Variants in STXBP5L observed in about 807,000 individuals in gnomAD.
STXBP5L encodes syntaxin binding protein 5L.
In STXBP5L, 65 loss-of-function variants were observed where a neutral mutation model predicts 144.5. The observed-to-expected ratio is 0.45, with a 90% CI of 0.37 to 0.55. The LOEUF is 0.55. STXBP5L is among the 20% of genes least tolerant of loss of function. The pLI is 0.00. For synonymous variants in STXBP5L, 505 were observed against 469.6 expected, an observed-to-expected ratio of 1.08 and a Z score of -0.97; for missense variants, 1,298 against 1,405.5, an observed-to-expected ratio of 0.92 and a Z score of 1.22.
At chr3:121,105,059 C>A (rs541317468) in intron 5 of STXBP5L, among the ~76,000 whole-genome samples, 1 of 152,110 alleles carries the variant, frequency 6.6e-6, no homozygotes, top group East Asian at 1.9e-4. Flanking sequence ...AACAAATAAT[C>A]CCATCAAAAA....
chr3:120,917,986 GT>G (rs1320315628), intron 2 of STXBP5L, among the ~76,000 whole-genome samples: 1 of 152,170 alleles, frequency 6.6e-6, no homozygotes, highest in Admixed American at 6.5e-5. Context: ...TAAAATTAAT[GT>G]GTTCACAGAA....
At chr3:120,991,039 A>T (rs1269244498) in intron 3 of STXBP5L, among the ~76,000 whole-genome samples, 1 of 152,018 alleles carries the variant, frequency 6.6e-6, no homozygotes, top group African/African-American at 2.4e-5. Context: ...CAGAGTGAAC[A>T]GGCAACCTAC....
At chr3:121,050,611 T>C (rs914794919) in intron 5 of STXBP5L, among the ~76,000 whole-genome samples, 4 of 152,134 alleles carry the variant, frequency 2.6e-5, no homozygotes, top group African/African-American at 9.7e-5. Context: ...GAACAACCGG[T>C]ACCAGCCACT....
At chr3:121,285,227 A>G (rs2051190837) in intron 19 of STXBP5L, among the ~76,000 whole-genome samples, 1 of 152,044 alleles carries the variant, frequency 6.6e-6, no homozygotes, top group Non-Finnish European at 1.5e-5. Flanking sequence ...CCTTTGAGGC[A>G]GATTGATATA....
chr3:120,979,776 A>T (rs577711119), intron 3 of STXBP5L, among the ~76,000 whole-genome samples: 2 of 151,990 alleles, frequency 1.3e-5, no homozygotes, highest in Non-Finnish European at 2.9e-5. Context: ...TTGTTCTGCT[A>T]CCTTTGGCTT....
chr3:121,316,225 G>A (rs1413397223), intron 19 of STXBP5L, among the ~76,000 whole-genome samples: 1 of 152,040 alleles, frequency 6.6e-6, no homozygotes, highest in Non-Finnish European at 1.5e-5. Flanking sequence ...TTGTAAATTG[G>A]CACAAGGAAG....
At chr3:120,929,524 T>A (rs905353888) in intron 2 of STXBP5L, among the ~76,000 whole-genome samples, 2 of 152,196 alleles carry the variant, frequency 1.3e-5, no homozygotes, top group African/African-American at 4.8e-5. Context: ...GTTTAGGGGA[T>A]GTACTTTTAT....
At chr3:121,358,966 ATATGTACCC>A (rs1397188793) in intron 20 of STXBP5L, among the ~76,000 whole-genome samples, 1 of 152,094 alleles carries the variant, frequency 6.6e-6, no homozygotes, top group African/African-American at 2.4e-5. Flanking sequence ...TTTCTTTTGA[ATATGTACCC>A]AATAGTAGGA....
At chr3:121,051,450 C>G (rs1947985737) in intron 5 of STXBP5L, among the ~76,000 whole-genome samples, 1 of 152,168 alleles carries the variant, frequency 6.6e-6, no homozygotes. Flanking sequence ...AACCGCTCAA[C>G]TACATGGAAA....
intron 22 of STXBP5L, among the ~76,000 whole-genome samples, chr3:121,395,986 C>T (rs556284710): frequency 6.6e-6 from 1 of 152,222 alleles, no homozygotes; most frequent in Admixed American, 6.5e-5. Context: ...TGATGGTATC[C>T]AAATTGGCTG....
intron 2 of STXBP5L, 56 bp from the exon 3 acceptor site, chr3:120,954,884 G>A: frequency 6.9e-7 from 1 of 1,448,082 alleles, no homozygotes; most frequent in South Asian, 1.2e-5. Context: ...ATGGTATCTT[G>A]TGATTGTAAT....
At chr3:120,965,578 T>G (rs1939465315) in intron 3 of STXBP5L, among the ~76,000 whole-genome samples, 1 of 152,202 alleles carries the variant, frequency 6.6e-6, no homozygotes, top group African/African-American at 2.4e-5. Flanking sequence ...GAAAATTCTT[T>G]TCTGTAAGAA....
At chr3:121,186,455 T>A (rs555530608) in intron 9 of STXBP5L, among the ~76,000 whole-genome samples, 2 of 152,194 alleles carry the variant, frequency 1.3e-5, no homozygotes, top group Non-Finnish European at 2.9e-5. Context: ...CTGATTATTT[T>A]GAGATACATC....
chr3:121,019,482 C>T (rs79818905), intron 3 of STXBP5L, among the ~76,000 whole-genome samples: 1,701 of 152,276 alleles, frequency 0.011, 32 homozygotes, highest in African/African-American at 0.038. Context: ...AACACACTTA[C>T]CAAAAATACA....
At chr3:121,006,858 A>C (rs892409662) in intron 3 of STXBP5L, among the ~76,000 whole-genome samples, 2 of 152,136 alleles carry the variant, frequency 1.3e-5, no homozygotes, top group African/African-American at 4.8e-5. Context: ...TATTTTCTTT[A>C]AGAATGTTGA....
chr3:121,043,742 G>C (rs932807947), intron 4 of STXBP5L, among the ~76,000 whole-genome samples: 1 of 151,938 alleles, frequency 6.6e-6, no homozygotes, highest in East Asian at 1.9e-4. Context: ...AGAATACTGA[G>C]TTCCTCACTA....
intron 2 of STXBP5L, among the ~76,000 whole-genome samples, chr3:120,939,538 C>G (rs1710450528): frequency 6.6e-6 from 1 of 152,104 alleles, no homozygotes; most frequent in Non-Finnish European, 1.5e-5. Flanking sequence ...AAAAGCTATT[C>G]ATATTTATAG....
At chr3:121,023,688 G>C (rs115160238) in intron 3 of STXBP5L, among the ~76,000 whole-genome samples, 15,101 of 152,132 alleles carry the variant, frequency 0.099, 1,183 homozygotes, top group Admixed American at 0.2. Context: ...GTATAAAAAC[G>C]AAACTGGATT....
At chr3:120,994,804 AG>A (rs1395682860) in intron 3 of STXBP5L, among the ~76,000 whole-genome samples, 2 of 152,114 alleles carry the variant, frequency 1.3e-5, no homozygotes, top group Admixed American at 1.3e-4. Flanking sequence ...ACATTGAATT[AG>A]GGGGAATTTA....
Sources: gnomAD v4.1 joint callset for allele counts (sites outside exome capture counted in the v4.1 genomes callset) on GRCh38, gnomAD v4.1.1 for gene constraint, MANE v1.5 for transcripts, NCBI Gene and HGNC (gene_info 2026-07-23, HGNC 2026-07-21) for gene names.